The following CCT6B variants were observed in gnomAD, a reference collection of about 807,000 sequenced individuals.
CCT6B encodes the protein chaperonin containing TCP1 subunit 6B, also known as probable T-complex protein 1 subunit zeta-2.
A neutral mutation model predicts 61.5 loss-of-function variants in CCT6B; 49 were observed. The observed-to-expected ratio is 0.80, with a 90% CI of 0.63 to 1.01. CCT6B has a LOEUF of 1.01. Among genes scored for constraint, CCT6B ranks in the 50% least tolerant of loss-of-function variants. The probability of loss-of-function intolerance (pLI) is 0.00; values close to 1 mark genes in which losing one functional copy is unlikely to be tolerated. For missense variants in CCT6B, 666 were observed against 634.7 expected, an observed-to-expected ratio of 1.05 and a Z score of -0.53; for synonymous variants, 228 against 214.5, an observed-to-expected ratio of 1.06 and a Z score of -0.55.
At chr17:34,931,595 A>G (rs1295298267) in intron 11 of CCT6B, among the ~76,000 whole-genome samples, 1 of 152,162 alleles carries the variant, frequency 6.6e-6, no homozygotes, top group African/African-American at 2.4e-5. Context: ...AAAAGGTACC[A>G]CCAATGTAAT....
intron 10 of CCT6B, among the ~76,000 whole-genome samples, chr17:34,938,820 C>G (rs1472043342): frequency 6.6e-6 from 1 of 152,024 alleles, no homozygotes; most frequent in African/African-American, 2.4e-5. Flanking sequence ...TGGTGGCTCA[C>G]ACGTGTAATT....
chr17:34,943,106 TCC>T, intron 5 of CCT6B, 200 bp from the exon 6 acceptor site: 1 of 453,332 alleles, frequency 2.2e-6, no homozygotes. Flanking sequence ...GGCCACGAAC[TCC>T]TGGGCTCAAG....
chr17:34,944,946 A>G (rs1455293445), intron 5 of CCT6B, among the ~76,000 whole-genome samples: 1 of 152,222 alleles, frequency 6.6e-6, no homozygotes. Flanking sequence ...AAAAAAGTAA[A>G]TGTTTTCCAA....
chr17:34,951,642 G>C (rs1245352364), intron 5 of CCT6B, among the ~76,000 whole-genome samples: 1 of 152,114 alleles, frequency 6.6e-6, no homozygotes. Context: ...TCTTATTCCA[G>C]ATGTGCACAT....
chr17:34,939,526 C>G lies in CCT6B; in HGVS notation c.1065+91G>C, dbSNP rs758194713. The G allele has an allele frequency of 1.9e-4, 178 of 928,390 alleles. 1 individual carries two copies. The highest frequency in any genetic ancestry group is 2.8e-4 in the Non-Finnish European group (166 of 598,600). The allele number at this position is 928,390 out of a possible 1,614,324, so 57.5% of individuals were successfully genotyped here. The stretch of plus-strand genomic sequence containing the variant: ...GTTCTGTGAATTAGATCTCAAAACA[C>G]AAAACATGAAATAAAAGGTCAAGTA... On this transcript the variant is annotated intron_variant, in intron 9 of 13. Coordinates refer to ENST00000314144, the MANE Select transcript of CCT6B (RefSeq NM_006584.4).
At position 34,961,441 on chromosome 17, in the gene CCT6B, C is replaced by T. The variant is rs551585398; in HGVS notation, c.-48G>A. The T allele has an allele frequency of 6.4e-7, 1 of 1,564,632 alleles. No individual in the cohort carries two copies. The highest frequency in any genetic ancestry group is 1.4e-5 in the African/African-American group (1 of 72,812). ...AAAAAAAAAAGCCTTAGTCGCGATTCTGAGCAAAAACGGCAATGCGACGCC... is the reference window on the plus strand; with the variant it reads ...AAAAAAAAAAGCCTTAGTCGCGATTTTGAGCAAAAACGGCAATGCGACGCC... On this transcript the variant is annotated 5_prime_UTR_variant, in exon 1 of 14. Transcript: ENST00000314144.
chr17:34,957,584 T>C (rs1376174010), intron 3 of CCT6B, among the ~76,000 whole-genome samples: 1 of 152,216 alleles, frequency 6.6e-6, no homozygotes. Flanking sequence ...CAATTTTCTA[T>C]TATGGGAGAT....
At chr17:34,942,200 T>C (rs1567667173) in intron 7 of CCT6B, among the ~76,000 whole-genome samples, 1 of 152,080 alleles carries the variant, frequency 6.6e-6, no homozygotes, top group Non-Finnish European at 1.5e-5. Context: ...TTTTTCACTG[T>C]AAGTTTGCAG....
In CCT6B at chr17:34,939,343, A is replaced by T. The variant is rs753057753; in HGVS notation, c.1066-13T>A. ...ACTTTTCTTCACCCTAAAGGGTGGCACAAAAATATATAACTTTAATATTTG... is the reference window on the plus strand; with the variant it reads ...ACTTTTCTTCACCCTAAAGGGTGGCTCAAAAATATATAACTTTAATATTTG... On this transcript the variant is annotated splice_polypyrimidine_tract_variant and intron_variant, in intron 9 of 13. Transcript: ENST00000314144. 11 of 1,593,272 alleles carry T rather than the reference A, an allele frequency of 6.9e-6. No individual in the cohort carries two copies. In the Admixed American group the frequency reaches 8.6e-5, roughly 12 times the overall value.
At chr17:34,957,149 T>C (rs1456340155) in intron 3 of CCT6B, among the ~76,000 whole-genome samples, 3 of 147,688 alleles carry the variant, frequency 2.0e-5, no homozygotes, top group Non-Finnish European at 4.5e-5. Flanking sequence ...TTCCATTTTT[T>C]TTTTTTTTTT....
chr17:34,961,292 C>CA lies in CCT6B; in HGVS notation c.101dup (p.Arg35AlafsTer7). On this transcript the variant is annotated frameshift_variant, in exon 1 of 14. Coordinates refer to ENST00000314144, the MANE Select transcript of CCT6B (RefSeq NM_006584.4). LOFTEE classifies it high-confidence loss of function. ...TGCCTTTAGGACCCAAGTTGGTCCG[C>CA]AGCACATCCTGCAGCCCTCGGGCGG... is the stretch of plus-strand genomic sequence containing the variant. 1 of 1,612,882 alleles carries CA rather than the reference C, an allele frequency of 6.2e-7. No homozygotes were observed. Among genetic ancestry groups the CA allele is most frequent in the Non-Finnish European group, 8.5e-7 (1 of 1,179,768 alleles).
At chr17:34,943,606 GC>G (rs2090191392) in intron 5 of CCT6B, 1 of 152,014 alleles carries the variant, frequency 6.6e-6, no homozygotes, top group Admixed American at 6.6e-5. Context: ...ACACACCGGG[GC>G]CTGTTGTGGG....
chr17:34,936,163 G>A (rs1210067600), intron 10 of CCT6B, among the ~76,000 whole-genome samples: 1 of 152,050 alleles, frequency 6.6e-6, no homozygotes, highest in South Asian at 2.1e-4. Flanking sequence ...TGGCCAAGCT[G>A]GTCTTGAACT....
At chr17:34,949,868 G>A (rs2090271956) in intron 5 of CCT6B, among the ~76,000 whole-genome samples, 1 of 152,156 alleles carries the variant, frequency 6.6e-6, no homozygotes, top group Admixed American at 6.5e-5. Flanking sequence ...TAAGGATATA[G>A]AAGTTCTGAA....
Position 34,942,852 on chromosome 17 carries a change from CTTCTTCA to C in CCT6B, c.662_668del (p.Met221SerfsTer3). 1 of 1,611,878 alleles carries C rather than the reference CTTCTTCA, an allele frequency of 6.2e-7. No individual in the cohort carries two copies. The highest frequency in any genetic ancestry group is 8.5e-7 in the Non-Finnish European group (1 of 1,178,820). ...TAAGGATAAATGCATCTTCTACTCG[CTTCTTCA>C]TATCTGGATGACGGGCACCATGATC... On this transcript the variant is annotated frameshift_variant, in exon 6 of 14. Coordinates refer to ENST00000314144, the MANE Select transcript of CCT6B (RefSeq NM_006584.4). LOFTEE classifies it high-confidence loss of function.
chr17:34,956,003 C>T lies in CCT6B; in HGVS notation c.337-1404G>A, dbSNP rs184543693. On this transcript the variant is annotated intron_variant, in intron 3 of 13. Coordinates refer to ENST00000314144, the MANE Select transcript of CCT6B (RefSeq NM_006584.4). ...CCCCACAATCTCTCATCCAGACTAT[C>T]ATGAAAACCTCTGGTCTAGACTCCC... Among the ~76,000 whole-genome samples, 370 of 152,292 alleles carry T rather than the reference C, an allele frequency of 2.4e-3. 2 individuals carry two copies. Among genetic ancestry groups the T allele is most frequent in the Non-Finnish European group, 4.2e-3 (287 of 68,004 alleles).
chr17:34,941,541 T>A (rs928271777), intron 7 of CCT6B, among the ~76,000 whole-genome samples: 1 of 152,228 alleles, frequency 6.6e-6, no homozygotes, highest in African/African-American at 2.4e-5. Flanking sequence ...AAAGTTCAAA[T>A]GTTATTGACA....
chr17:34,949,225 G>A (rs1369361752), intron 5 of CCT6B, among the ~76,000 whole-genome samples: 3 of 152,144 alleles, frequency 2.0e-5, no homozygotes, highest in African/African-American at 7.2e-5. Context: ...GGAGGCAGAG[G>A]TGGGCGGATC....
chr17:34,961,437 G>T lies in CCT6B; in HGVS notation c.-44C>A, dbSNP rs754317038. 1 of 1,563,332 alleles carries T rather than the reference G, an allele frequency of 6.4e-7. No homozygotes were observed. The highest frequency in any genetic ancestry group is 1.2e-5 in the South Asian group (1 of 83,810). ...GAGAAAAAAAAAAAGCCTTAGTCGC[G>T]ATTCTGAGCAAAAACGGCAATGCGA... is the stretch of plus-strand genomic sequence containing the variant. On this transcript the variant is annotated 5_prime_UTR_variant, in exon 1 of 14. Transcript: ENST00000314144.
Sources: allele counts gnomAD v4.1 joint callset (sites outside exome capture counted in the v4.1 genomes callset), GRCh38; gene constraint gnomAD v4.1.1; transcripts MANE v1.5; gene names NCBI Gene and HGNC (gene_info 2026-07-23, HGNC 2026-07-21).